Variants in RYK observed in about 807,000 individuals in gnomAD.
RYK encodes the protein inactive tyrosine-protein kinase RYK.
Under a neutral mutation model 70.2 loss-of-function variants are expected in RYK, and 21 were observed. The ratio of observed to expected loss-of-function variants is 0.30; its 90% CI spans 0.21 to 0.43. The LOEUF is 0.43. Ranked by LOEUF, RYK falls within the 20% of genes least tolerant of loss-of-function variation. The probability of loss-of-function intolerance (pLI) is 1.00; values close to 1 mark genes in which losing one functional copy is unlikely to be tolerated. For synonymous variants in RYK, 267 were observed against 278.0 expected (o/e 0.96, Z 0.39); for missense variants, 604 against 753.3 (o/e 0.80, Z 2.32).
At chr3:134,240,456 T>A (rs1373579400) in intron 1 of RYK, among the ~76,000 whole-genome samples, 2 of 152,160 alleles carry the variant, frequency 1.3e-5, no homozygotes, top group African/African-American at 2.4e-5. Flanking sequence ...GAGGGAGTAT[T>A]TATAAATACA....
intron 12 of RYK, 80 bp from the exon 13 acceptor site, chr3:134,175,848 A>G: frequency 6.4e-7 from 1 of 1,555,670 alleles, no homozygotes; most frequent in South Asian, 1.1e-5. Flanking sequence ...AATACAACAC[A>G]AGTCCCACTG....
intron 13 of RYK, among the ~76,000 whole-genome samples, chr3:134,169,781 G>A (rs2012829022): frequency 6.6e-6 from 1 of 152,090 alleles, no homozygotes; most frequent in Admixed American, 6.5e-5. Context: ...TCCCTCCAAG[G>A]CAGCAGTATC....
At chr3:134,206,962 C>T (rs3890774) in intron 5 of RYK, among the ~76,000 whole-genome samples, 21,916 of 151,638 alleles carry the variant, frequency 0.14, 1,939 homozygotes, top group East Asian at 0.47. Flanking sequence ...GAGTAAGACC[C>T]AACGATGTCT....
intron 13 of RYK, among the ~76,000 whole-genome samples, chr3:134,172,191 C>A (rs80192311): frequency 6.6e-6 from 1 of 152,056 alleles, no homozygotes; most frequent in Admixed American, 6.6e-5. Context: ...CCCAAAGAGA[C>A]GAGTGAATCC....
intron 1 of RYK, 29 bp downstream of exon 1, chr3:134,250,394 C>T: frequency 3.0e-6 from 4 of 1,347,024 alleles, no homozygotes; most frequent in Non-Finnish European, 3.8e-6. Context: ...GCCCGACCTG[C>T]CCGCCCCGGC....
intron 5 of RYK, among the ~76,000 whole-genome samples, chr3:134,204,184 A>C (rs1046150409): frequency 6.6e-6 from 1 of 152,120 alleles, no homozygotes; most frequent in Non-Finnish European, 1.5e-5. Context: ...AATGATACTC[A>C]GCTTTATATT....
intron 1 of RYK, among the ~76,000 whole-genome samples, chr3:134,231,614 A>G (rs2015060238): frequency 6.6e-6 from 1 of 151,978 alleles, no homozygotes; most frequent in Non-Finnish European, 1.5e-5. Context: ...ATCTACTTCT[A>G]TACTGTCACC....
At chr3:134,203,870 A>G (rs2014110036) in intron 5 of RYK, among the ~76,000 whole-genome samples, 1 of 152,208 alleles carries the variant, frequency 6.6e-6, no homozygotes, top group Non-Finnish European at 1.5e-5. Context: ...AGCTACTGAA[A>G]TGTAGTTAGT....
At chr3:134,229,426 G>T (rs1234019001) in intron 1 of RYK, among the ~76,000 whole-genome samples, 2 of 149,774 alleles carry the variant, frequency 1.3e-5, no homozygotes, top group African/African-American at 4.9e-5. Flanking sequence ...TCACAACCTG[G>T]GGTAAGCAAA....
At chr3:134,188,457 T>C (rs2013541585) in intron 9 of RYK, among the ~76,000 whole-genome samples, 2 of 152,128 alleles carry the variant, frequency 1.3e-5, no homozygotes, top group African/African-American at 2.4e-5. Context: ...CCACTGCACC[T>C]GGGCTCTATT....
chr3:134,176,519 A>G (rs1054641057), intron 11 of RYK, among the ~76,000 whole-genome samples: 6 of 152,014 alleles, frequency 3.9e-5, no homozygotes, highest in African/African-American at 1.5e-4. Flanking sequence ...TGGGAGGATC[A>G]CTTGAGCCCA....
intron 6 of RYK, among the ~76,000 whole-genome samples, chr3:134,196,210 T>G (rs111566091): frequency 8.5e-4 from 129 of 152,260 alleles, no homozygotes; most frequent in African/African-American, 3.0e-3. Context: ...CCTTGTCTCG[T>G]GGGTACATTT....
chr3:134,245,195 TAA>T (rs2015432149), intron 1 of RYK, among the ~76,000 whole-genome samples: 1 of 152,148 alleles, frequency 6.6e-6, no homozygotes, highest in Non-Finnish European at 1.5e-5. Context: ...ACAGCACTTT[TAA>T]AAGTGTCAAC....
chr3:134,214,731 G>A (rs1248211032), intron 2 of RYK, among the ~76,000 whole-genome samples: 12 of 151,964 alleles, frequency 7.9e-5, no homozygotes, highest in African/African-American at 1.5e-4. Flanking sequence ...CTTTTCCCTC[G>A]TCTTATTCCA....
intron 13 of RYK, among the ~76,000 whole-genome samples, chr3:134,170,130 A>G (rs1366765414): frequency 6.6e-6 from 1 of 152,210 alleles, no homozygotes; most frequent in Non-Finnish European, 1.5e-5. Context: ...ATCTAAAGCA[A>G]AGGCGATACA....
At chr3:134,160,100 C>T (rs900182014) in intron 13 of RYK, among the ~76,000 whole-genome samples, 1 of 152,176 alleles carries the variant, frequency 6.6e-6, no homozygotes, top group South Asian at 2.1e-4. Context: ...GATCTGCCGC[C>T]AAGTGTGAAC....
At position 134,196,580 on chromosome 3, in the gene RYK, AAAACACACAC is replaced by A. The variant is rs1291309591; in HGVS notation, c.789-1408_789-1399del. Among the ~76,000 whole-genome samples the A allele has an allele frequency of 1.0e-3, 129 of 127,326 alleles. 1 individual carries two copies. The highest frequency in any genetic ancestry group is 1.3e-3 in the African/African-American group (42 of 32,138). 83.5% of individuals were successfully genotyped at this position (127,326 alleles called of 152,430 possible). On this transcript the variant is annotated intron_variant, in intron 6 of 14. Coordinates refer to ENST00000623711, the MANE Select transcript of RYK (RefSeq NM_002958.4). ...CATAGTGAGACCCTGTCTCTGAAAC[AAAACACACAC>A]ACACACACACACACACACACACACA... is the stretch of plus-strand genomic sequence containing the variant.
At chr3:134,169,188 TTTC>T (rs2012804093) in intron 13 of RYK, among the ~76,000 whole-genome samples, 1 of 152,198 alleles carries the variant, frequency 6.6e-6, no homozygotes, top group South Asian at 2.1e-4. Flanking sequence ...TTGACTTGTT[TTTC>T]TTAAGAAAAT....
intron 8 of RYK, among the ~76,000 whole-genome samples, chr3:134,190,767 C>G (rs1443660927): frequency 6.6e-6 from 1 of 152,180 alleles, no homozygotes; most frequent in Non-Finnish European, 1.5e-5. Context: ...ACCACTACAA[C>G]AGATTGCCTA....
Sources: allele counts gnomAD v4.1 joint callset (sites outside exome capture counted in the v4.1 genomes callset), GRCh38; gene constraint gnomAD v4.1.1; transcripts MANE v1.5; gene names NCBI Gene and HGNC (gene_info 2026-07-23, HGNC 2026-07-21).